ZSWIM9: variants seen among roughly 807,000 people sequenced by gnomAD.
ZSWIM9 encodes the protein uncharacterized protein ZSWIM9.
Under a neutral mutation model 25.0 loss-of-function variants are expected in ZSWIM9, and 11 were observed. The ratio of observed to expected loss-of-function variants is 0.44; its 90% CI spans 0.28 to 0.73. The LOEUF (loss-of-function observed/expected upper bound fraction) is 0.73, where lower values mean the gene tolerates loss of function less well. Ranked by LOEUF, ZSWIM9 falls within the 30% of genes least tolerant of loss-of-function variation. The probability of loss-of-function intolerance (pLI) is 0.16; values close to 1 mark genes in which losing one functional copy is unlikely to be tolerated. For synonymous variants in ZSWIM9, 562 were observed against 582.1 expected, an observed-to-expected ratio of 0.97 and a Z score of 0.50; for missense variants, 1,070 against 1,296.5, an observed-to-expected ratio of 0.83 and a Z score of 2.68.
At position 48,194,633 on chromosome 19, in the gene ZSWIM9, C is replaced by T. The variant is rs1264564623; in HGVS notation, c.589-20C>T. The T allele has an allele frequency of 4.2e-6, 6 of 1,412,096 alleles. No homozygotes were observed. The highest frequency in any genetic ancestry group is 5.2e-5 in the Admixed American group (2 of 38,246). 87.5% of individuals were successfully genotyped at this position (1,412,096 alleles called of 1,614,324 possible). ...AGCATCCTCTGACCTCTTTCCTTGC[C>T]TCCCTGCCCCCGCCCGCAGGTGAAG... On this transcript the variant is annotated intron_variant, in intron 3 of 3. Transcript: ENST00000614654. The surrounding 1 kb of genome is among the most constrained non-coding windows in gnomAD (Gnocchi z 6.0).
intron 3 of ZSWIM9, among the ~76,000 whole-genome samples, chr19:48,187,985 T>TAGATAGATAGATAGATAGATAGATAGAC (rs1555787428): frequency 1.6e-4 from 24 of 146,370 alleles, no homozygotes; most frequent in African/African-American, 5.4e-4. Flanking sequence ...GATAGATAGA[T>TAGATAGATAGATAGATAGATAGATAGAC]AGACAGACAG....
At position 48,180,202 on chromosome 19, in the gene ZSWIM9, G is replaced by C. The variant is rs2036933300; in HGVS notation, c.276-2253G>C. 2.0e-5 allele frequency among the ~76,000 whole-genome samples: 3 copies of C among 152,088 alleles called. No individual in the cohort carries two copies. In the South Asian group the frequency reaches 6.2e-4, roughly 31 times the overall value. Reference sequence around the variant, plus strand: ...TGGCTAATTTTGTATTTTTAGTAGAGACCGCGTTTCTCCATGTTGGTCAGG... The same window carrying C: ...TGGCTAATTTTGTATTTTTAGTAGACACCGCGTTTCTCCATGTTGGTCAGG... On this transcript the variant is annotated intron_variant, in intron 2 of 3. Coordinates refer to ENST00000614654, the MANE Select transcript of ZSWIM9 (RefSeq NM_199341.4).
At chr19:48,174,624 C>A (rs2036874359) in intron 2 of ZSWIM9, 1 of 152,206 alleles carries the variant, frequency 6.6e-6, no homozygotes, top group South Asian at 2.1e-4. Context: ...ACAGCTCTTT[C>A]ACCGGTAGTT....
chr19:48,186,300 T>C (rs2037010708), intron 3 of ZSWIM9, among the ~76,000 whole-genome samples: 1 of 149,452 alleles, frequency 6.7e-6, no homozygotes, highest in Admixed American at 6.6e-5. Context: ...TTTTTGTTTG[T>C]TTGTTTGTTT....
chr19:48,182,645 A>G lies in ZSWIM9; in HGVS notation c.466A>G (p.Lys156Glu). The change falls in exon 3 of 4, where the codon AAG becomes GAG. Residue 156 changes from lysine (K) to glutamate (E), a missense_variant. Lys to Glu is a moderately conservative substitution (Grantham distance 56). Coordinates refer to ENST00000614654, the MANE Select transcript of ZSWIM9 (RefSeq NM_199341.4). The surrounding 1 kb of genome is among the most constrained non-coding windows in gnomAD (Gnocchi z 4.6). ...LPVRTTNKIS[K>E]QFVAPADVRR... Reference sequence around the variant, plus strand: ...GGTGCGCACCACCAACAAGATCTCCAAGCAGTTCGTGGCCCCAGCCGACGT... The same window carrying G: ...GGTGCGCACCACCAACAAGATCTCCGAGCAGTTCGTGGCCCCAGCCGACGT... The G allele has an allele frequency of 6.5e-7, 1 of 1,535,802 alleles. No homozygotes were observed. The highest frequency in any genetic ancestry group is 1.2e-5 in the South Asian group (1 of 84,060).
chr19:48,174,498 G>A (rs2036873236), intron 2 of ZSWIM9, among the ~76,000 whole-genome samples: 1 of 152,172 alleles, frequency 6.6e-6, no homozygotes, highest in Non-Finnish European at 1.5e-5. Context: ...TTGAGTGAGT[G>A]ACTTCACCTT....
chr19:48,179,393 T>C (rs894332003), intron 2 of ZSWIM9, among the ~76,000 whole-genome samples: 1 of 151,974 alleles, frequency 6.6e-6, no homozygotes, highest in African/African-American at 2.4e-5. Flanking sequence ...GGTCTTGAAC[T>C]CCTGGACTCA....
intron 1 of ZSWIM9, chr19:48,171,537 G>A (rs370776732): frequency 4.1e-5 from 15 of 366,310 alleles, no homozygotes; most frequent in African/African-American, 2.4e-4. Flanking sequence ...TCACATCTGC[G>A]GAGGAGGAGA....
At chr19:48,191,606 G>A (rs116928917) in intron 3 of ZSWIM9, among the ~76,000 whole-genome samples, 285 of 152,272 alleles carry the variant, frequency 1.9e-3, no homozygotes, top group Non-Finnish European at 3.0e-3. Flanking sequence ...GTTTACTCAC[G>A]TGTCGGAAGA....
chr19:48,190,291 G>C (rs1173212593), intron 3 of ZSWIM9, among the ~76,000 whole-genome samples: 1 of 152,152 alleles, frequency 6.6e-6, no homozygotes, highest in Non-Finnish European at 1.5e-5. Flanking sequence ...ATTAGAGGGC[G>C]AGTTATAGAG....
At position 48,182,032 on chromosome 19, in the gene ZSWIM9, A is replaced by T. The variant is rs2036953152; in HGVS notation, c.276-423A>T. 1.2e-5 allele frequency: 2 copies of T among 160,844 alleles called. No individual in the cohort carries two copies. The highest frequency in any genetic ancestry group is 2.7e-5 in the Non-Finnish European group (2 of 74,228). The allele number at this position is 160,844 out of a possible 1,614,324, so 10.0% of individuals were successfully genotyped here. ...ACTTTTGATGTTATTGCTAAACCAG[A>T]AGCAGATACAGGACTATCTGAAATT... On this transcript the variant is annotated intron_variant, in intron 2 of 3. Transcript: ENST00000614654. This position sits in a 1 kb window ranked among gnomAD's most constrained non-coding sequence, Gnocchi z 4.6.
In ZSWIM9 at chr19:48,182,433, G is replaced by A. The variant is rs2036957672; in HGVS notation, c.276-22G>A. On this transcript the variant is annotated intron_variant, in intron 2 of 3. Coordinates refer to ENST00000614654, the MANE Select transcript of ZSWIM9 (RefSeq NM_199341.4). The surrounding 1 kb of genome is among the most constrained non-coding windows in gnomAD (Gnocchi z 4.6). ...AGGGCAGCAGAGTGATGTGACCAGG[G>A]CGGTGGTGGTTCCTCCCACAGGCCT... 1.3e-6 allele frequency: 2 copies of A among 1,520,928 alleles called. No individual in the cohort carries two copies. The highest frequency in any genetic ancestry group is 2.0e-5 in the Admixed American group (1 of 50,584). 94.2% of individuals were successfully genotyped at this position (1,520,928 alleles called of 1,614,324 possible).
intron 2 of ZSWIM9, among the ~76,000 whole-genome samples, chr19:48,180,498 C>T (rs1190995715): frequency 1.3e-5 from 2 of 152,046 alleles, no homozygotes; most frequent in East Asian, 3.9e-4. Context: ...CTTTCAATCT[C>T]TCTCTGACTT....
chr19:48,184,855 A>G (rs2036992060), intron 3 of ZSWIM9, among the ~76,000 whole-genome samples: 1 of 152,152 alleles, frequency 6.6e-6, no homozygotes, highest in Admixed American at 6.6e-5. Context: ...GCCTGGATCC[A>G]GACCCATGAC....
At chr19:48,187,399 AT>A (rs1426116099) in intron 3 of ZSWIM9, among the ~76,000 whole-genome samples, 3 of 104,412 alleles carry the variant, frequency 2.9e-5, no homozygotes, top group Non-Finnish European at 5.5e-5. Flanking sequence ...AATATATTAT[AT>A]TAATTATATA....
intron 3 of ZSWIM9, among the ~76,000 whole-genome samples, chr19:48,192,478 A>ATGTATGT (rs1209593378): frequency 4.7e-5 from 1 of 21,434 alleles, no homozygotes; most frequent in Non-Finnish European, 9.4e-5. Flanking sequence ...AAAAAAAAAA[A>ATGTATGT]AAATATATAT....
intron 1 of ZSWIM9, chr19:48,171,179 G>C: frequency 2.1e-6 from 2 of 972,638 alleles, no homozygotes; most frequent in Non-Finnish European, 1.2e-6. Flanking sequence ...CGAGCCATAG[G>C]GTCATAATCG....
chr19:48,183,095 GAATT>G (rs3078208), intron 3 of ZSWIM9: 3,206 of 192,032 alleles, frequency 0.017, 74 homozygotes, highest in Middle Eastern at 0.051. Context: ...CTGAGGAACT[GAATT>G]AATTAATTAA....
chr19:48,183,943 C>A (rs545703091), intron 3 of ZSWIM9, among the ~76,000 whole-genome samples: 1 of 141,286 alleles, frequency 7.1e-6, no homozygotes, highest in African/African-American at 2.5e-5. Context: ...CCACGCCAGG[C>A]CTACTTAAAT....
Sources: gnomAD v4.1 joint callset for allele counts (sites outside exome capture counted in the v4.1 genomes callset) on GRCh38, gnomAD v4.1.1 for gene constraint, Gnocchi (gnomAD v3.1) non-coding constraint, MANE v1.5 for transcripts, NCBI Gene and HGNC (gene_info 2026-07-23, HGNC 2026-07-21) for gene names.